NKIRAS1: variants seen among roughly 807,000 people sequenced by gnomAD.
The protein encoded by NKIRAS1 is NFKB inhibitor interacting Ras like 1, also known as NF-kappa-B inhibitor-interacting Ras-like protein 1.
A neutral mutation model predicts 19.8 loss-of-function variants in NKIRAS1; 16 were observed. That is an observed-to-expected ratio of 0.81 (90% confidence interval 0.55 to 1.23). NKIRAS1 has a LOEUF of 1.23. Ranked by LOEUF, NKIRAS1 falls within the 50% of genes most tolerant of loss-of-function variation. The pLI is 0.00. For missense variants in NKIRAS1, 184 were observed against 220.0 expected, an observed-to-expected ratio of 0.84 and a Z score of 1.04; for synonymous variants, 88 against 79.0, an observed-to-expected ratio of 1.11 and a Z score of -0.61.
chr3:23,921,718 G>A (rs372263565), upstream of NKIRAS1: 269 of 646,116 alleles, frequency 4.2e-4, no homozygotes, highest in African/African-American at 3.6e-3. Context: ...AGGACTACAG[G>A]CGCACACTGC....
chr3:23,917,279 T>C (rs1704649392), upstream of NKIRAS1: 1 of 152,536 alleles, frequency 6.6e-6, no homozygotes, highest in Non-Finnish European at 1.5e-5. Flanking sequence ...GTCTCCCTCC[T>C]GTGCGGCCAG....
chr3:23,918,589 G>T, upstream of NKIRAS1: 1 of 1,612,346 alleles, frequency 6.2e-7, no homozygotes, highest in Non-Finnish European at 8.5e-7. Flanking sequence ...AAATGGTTTT[G>T]AGTAGCAGTT....
intron 1 of NKIRAS1, among the ~76,000 whole-genome samples, chr3:23,941,944 AC>A (rs1426882457): frequency 4.6e-5 from 7 of 151,550 alleles, no homozygotes; most frequent in Non-Finnish European, 1.5e-5. Flanking sequence ...AACCTCTTAT[AC>A]AATTTTAAAT....
intron 4 of NKIRAS1, among the ~76,000 whole-genome samples, chr3:23,899,123 A>C (rs570387707): frequency 2.6e-5 from 4 of 152,228 alleles, no homozygotes; most frequent in Admixed American, 6.5e-5. Context: ...GAAATGACAC[A>C]ATTATAAAAA....
At chr3:23,899,867 T>C (rs970036871) in intron 4 of NKIRAS1, among the ~76,000 whole-genome samples, 1 of 152,080 alleles carries the variant, frequency 6.6e-6, no homozygotes, top group African/African-American at 2.4e-5. Context: ...AAGGAGATAA[T>C]AAAAAGCCCA....
At chr3:23,929,898 A>G (rs1277158262) in intron 1 of NKIRAS1, among the ~76,000 whole-genome samples, 1 of 152,212 alleles carries the variant, frequency 6.6e-6, no homozygotes, top group African/African-American at 2.4e-5. Flanking sequence ...GAACCATGTT[A>G]TCATTTTGGT....
At chr3:23,931,287 C>T (rs9848365) in intron 1 of NKIRAS1, among the ~76,000 whole-genome samples, 95,391 of 152,030 alleles carry the variant, frequency 0.63, 30,187 homozygotes, top group Middle Eastern at 0.72. Flanking sequence ...TTTCTCTTTA[C>T]TTTTGCTTCT....
chr3:23,945,658 T>G, intron 1 of NKIRAS1: 1 of 1,094,736 alleles, frequency 9.1e-7, no homozygotes, highest in Non-Finnish European at 1.1e-6. Flanking sequence ...CGCGGGGCAC[T>G]TTGGGGGGCG....
intron 1 of NKIRAS1, among the ~76,000 whole-genome samples, chr3:23,940,168 CAA>C (rs1293108063): frequency 6.0e-4 from 43 of 71,754 alleles, no homozygotes; most frequent in African/African-American, 1.4e-3. Flanking sequence ...CCATCTCTAC[CAA>C]AAAAAAAAAA....
chr3:23,929,126 C>G, intron 1 of NKIRAS1, among the ~76,000 whole-genome samples: 1 of 152,086 alleles, frequency 6.6e-6, no homozygotes, highest in East Asian at 1.9e-4. Flanking sequence ...CTTTGGGAGG[C>G]TGAGAGGGGC....
At chr3:23,925,800 G>A (rs1256104648) in intron 1 of NKIRAS1, among the ~76,000 whole-genome samples, 1 of 152,118 alleles carries the variant, frequency 6.6e-6, no homozygotes, top group Non-Finnish European at 1.5e-5. Context: ...TTATGTGATA[G>A]CTTCCTTGCT....
Position 23,929,082 on chromosome 3 carries a change from C to T in NKIRAS1, c.-140+17241G>A, listed in dbSNP as rs796637089. The stretch of plus-strand genomic sequence containing the variant: ...TTAACTGTAAAAACCATGTTTTGTG[C>T]CAGGCGTGGTGGCTCATGCCTGTAA... On this transcript the variant is annotated intron_variant, in intron 1 of 4. Transcript: ENST00000421515. Among the ~76,000 whole-genome samples the T allele has an allele frequency of 5.9e-5, 9 of 151,678 alleles. No homozygotes were observed. The South Asian group carries it at 1.9e-3, about 32-fold the overall frequency.
intron 3 of NKIRAS1, among the ~76,000 whole-genome samples, chr3:23,910,199 C>T (rs2125413995): frequency 6.8e-6 from 1 of 146,186 alleles, no homozygotes; most frequent in Middle Eastern, 3.8e-3. Flanking sequence ...GCTCTGTAGC[C>T]CAGGCTGGAG....
intron 1 of NKIRAS1, among the ~76,000 whole-genome samples, chr3:23,945,017 G>C (rs934224207): frequency 6.6e-6 from 1 of 152,090 alleles, no homozygotes; most frequent in Non-Finnish European, 1.5e-5. Flanking sequence ...GGGAGGAGAG[G>C]AAAGAGGAGG....
chr3:23,945,877 G>T (rs1469013723), intron 1 of NKIRAS1, among the ~76,000 whole-genome samples: 2 of 150,688 alleles, frequency 1.3e-5, no homozygotes, highest in East Asian at 4.0e-4. Flanking sequence ...CTGTGTTTAC[G>T]TTCGGCGGCG....
At chr3:23,900,548 T>C (rs1702416034) in intron 4 of NKIRAS1, among the ~76,000 whole-genome samples, 1 of 150,760 alleles carries the variant, frequency 6.6e-6, no homozygotes, top group Admixed American at 6.6e-5. Context: ...GGCAGGAGAA[T>C]CGCTTGTACC....
At chr3:23,939,156 G>A (rs1352361242) in intron 1 of NKIRAS1, among the ~76,000 whole-genome samples, 2 of 152,210 alleles carry the variant, frequency 1.3e-5, no homozygotes, top group African/African-American at 2.4e-5. Context: ...AAATTGGTGA[G>A]AATGATTGAA....
upstream of NKIRAS1, chr3:23,919,728 A>C: frequency 7.4e-7 from 1 of 1,347,090 alleles, no homozygotes; most frequent in Non-Finnish European, 9.5e-7. Flanking sequence ...AGGGAGTTGT[A>C]TGTCAGTGTA....
At chr3:23,907,136 C>T (rs531483973) in intron 3 of NKIRAS1, among the ~76,000 whole-genome samples, 11 of 152,154 alleles carry the variant, frequency 7.2e-5, no homozygotes, top group Non-Finnish European at 1.5e-4. Context: ...TCAAGTGATC[C>T]GCCTGCCTCG....
Sources: allele counts gnomAD v4.1 joint callset (sites outside exome capture counted in the v4.1 genomes callset), GRCh38; gene constraint gnomAD v4.1.1; transcripts MANE v1.5; gene names NCBI Gene and HGNC (gene_info 2026-07-23, HGNC 2026-07-21).